Variants in NR2F1-AS1 observed in about 807,000 individuals in gnomAD.
NR2F1-AS1 encodes NR2F1 antisense RNA 1.
chr5:93,563,855 C>T (rs1321846197), intron 1 of NR2F1-AS1, among the ~76,000 whole-genome samples: 2 of 151,970 alleles, frequency 1.3e-5, no homozygotes, highest in African/African-American at 2.4e-5. Context: ...GTAATCCCAG[C>T]ACTTTGGGAA....
intron 2 of NR2F1-AS1, among the ~76,000 whole-genome samples, chr5:93,558,831 T>C (rs1752421720): frequency 6.6e-6 from 1 of 152,200 alleles, no homozygotes; most frequent in South Asian, 2.1e-4. Context: ...TCTAAAACAG[T>C]GGGTTTAAAA....
upstream of NR2F1-AS1, chr5:93,584,188 T>G (rs1367446820): frequency 1.3e-5 from 2 of 148,292 alleles, no homozygotes; most frequent in East Asian, 4.0e-4. Flanking sequence ...GGCCCCGGCC[T>G]CCGCTCGCGC....
intron 4 of NR2F1-AS1, among the ~76,000 whole-genome samples, chr5:93,444,412 C>A (rs1018933510): frequency 1.6e-4 from 25 of 152,016 alleles, no homozygotes; most frequent in Admixed American, 7.2e-4. Context: ...AGTCTCTGAT[C>A]AAACAGACTT....
chr5:93,529,364 T>C (rs1230260598), intron 4 of NR2F1-AS1, among the ~76,000 whole-genome samples: 5 of 152,156 alleles, frequency 3.3e-5, no homozygotes, highest in African/African-American at 1.2e-4. Flanking sequence ...AAGTTTCAAA[T>C]ATAGTAGTAA....
chr5:93,499,773 T>G (rs1475202140), intron 4 of NR2F1-AS1, among the ~76,000 whole-genome samples: 1 of 152,138 alleles, frequency 6.6e-6, no homozygotes, highest in Non-Finnish European at 1.5e-5. Context: ...AAGTAAAAGT[T>G]TTTGAAGGAA....
At chr5:93,469,184 T>C (rs774993523) in intron 4 of NR2F1-AS1, among the ~76,000 whole-genome samples, 4 of 152,160 alleles carry the variant, frequency 2.6e-5, no homozygotes, top group Non-Finnish European at 5.9e-5. Flanking sequence ...TTCGTCATTG[T>C]GTGACCATCG....
intron 4 of NR2F1-AS1, among the ~76,000 whole-genome samples, chr5:93,439,508 A>C (rs1192172244): frequency 6.6e-6 from 1 of 152,128 alleles, no homozygotes; most frequent in Non-Finnish European, 1.5e-5. Flanking sequence ...GTTAGCCAGG[A>C]TGGTCTCGAT....
chr5:93,413,796 G>A (rs1490250809), intron 4 of NR2F1-AS1, among the ~76,000 whole-genome samples: 2 of 152,196 alleles, frequency 1.3e-5, no homozygotes, highest in African/African-American at 4.8e-5. Flanking sequence ...AGAATTCTGA[G>A]AAATTTTGAA....
At chr5:93,426,339 T>G (rs970421222) in intron 4 of NR2F1-AS1, among the ~76,000 whole-genome samples, 1 of 152,184 alleles carries the variant, frequency 6.6e-6, no homozygotes, top group African/African-American at 2.4e-5. Context: ...TCAGCCACCA[T>G]GCCCGGCCCA....
At chr5:93,525,546 C>T (rs757887548) in intron 4 of NR2F1-AS1, among the ~76,000 whole-genome samples, 14 of 152,178 alleles carry the variant, frequency 9.2e-5, no homozygotes, top group African/African-American at 2.2e-4. Flanking sequence ...CCCAAATCAA[C>T]GGAATATACC....
At chr5:93,468,249 G>T (rs1036837629) in intron 4 of NR2F1-AS1, among the ~76,000 whole-genome samples, 85 of 152,260 alleles carry the variant, frequency 5.6e-4, no homozygotes, top group Non-Finnish European at 1.1e-3. Flanking sequence ...CACAATGGTT[G>T]AACTAATTTA....
chr5:93,489,130 G>A (rs1293837300), intron 4 of NR2F1-AS1, among the ~76,000 whole-genome samples: 1 of 152,042 alleles, frequency 6.6e-6, no homozygotes, highest in Non-Finnish European at 1.5e-5. Flanking sequence ...ATAGCATTAG[G>A]AGAAATACCT....
intron 4 of NR2F1-AS1, among the ~76,000 whole-genome samples, chr5:93,505,268 G>A (rs1313842815): frequency 6.6e-6 from 1 of 152,132 alleles, no homozygotes; most frequent in African/African-American, 2.4e-5. Context: ...CCATCCCTGT[G>A]GCTTTGCAGG....
At chr5:93,543,326 AACTAC>A (rs1226630833) in intron 4 of NR2F1-AS1, 3 of 152,232 alleles carry the variant, frequency 2.0e-5, no homozygotes, top group African/African-American at 7.2e-5. Flanking sequence ...CAAATTATAA[AACTAC>A]ACTTGCGTAT....
At chr5:93,461,804 A>T (rs1452015533) in intron 4 of NR2F1-AS1, among the ~76,000 whole-genome samples, 1 of 152,222 alleles carries the variant, frequency 6.6e-6, no homozygotes, top group Non-Finnish European at 1.5e-5. Flanking sequence ...CTATAGAAGT[A>T]GGCTCTTCTG....
chr5:93,578,893 G>T (rs1752956341), intron 1 of NR2F1-AS1, among the ~76,000 whole-genome samples: 1 of 152,142 alleles, frequency 6.6e-6, no homozygotes. Context: ...AGTGTGGGTC[G>T]CATTAGGCCC....
chr5:93,431,292 G>C (rs1749316079), intron 4 of NR2F1-AS1, among the ~76,000 whole-genome samples: 1 of 151,702 alleles, frequency 6.6e-6, no homozygotes, highest in African/African-American at 2.4e-5. Flanking sequence ...GATGATGGTG[G>C]GGGGGAGATG....
intron 4 of NR2F1-AS1, among the ~76,000 whole-genome samples, chr5:93,512,782 G>A (rs1389601042): frequency 6.6e-6 from 1 of 152,144 alleles, no homozygotes; most frequent in African/African-American, 2.4e-5. Context: ...ACATTAACAT[G>A]CTGTTTGTAC....
intron 4 of NR2F1-AS1, among the ~76,000 whole-genome samples, chr5:93,487,673 G>A (rs1750754729): frequency 2.6e-5 from 4 of 152,142 alleles, no homozygotes; most frequent in Admixed American, 2.6e-4. Context: ...AATGCCCAAA[G>A]TAATTTATAG....
Sources: allele counts gnomAD v4.1 joint callset (sites outside exome capture counted in the v4.1 genomes callset), GRCh38; gene constraint gnomAD v4.1.1; transcripts MANE v1.5; gene names NCBI Gene and HGNC (gene_info 2026-07-23, HGNC 2026-07-21).